The following BBS9 variants were observed in gnomAD, a reference collection of about 807,000 sequenced individuals.
BBS9 encodes the protein protein PTHB1.
In BBS9, 89 loss-of-function variants were observed where a neutral mutation model predicts 117.7. That is an observed-to-expected ratio of 0.76 (90% CI 0.64 to 0.90). The LOEUF (loss-of-function observed/expected upper bound fraction) is 0.90, where lower values mean the gene tolerates loss of function less well. BBS9 is among the 40% of genes least tolerant of loss of function. The probability of loss-of-function intolerance (pLI) is 0.00; values close to 1 mark genes in which losing one functional copy is unlikely to be tolerated. For missense variants in BBS9, 982 were observed against 1,042.2 expected (o/e 0.94, Z 0.80); for synonymous variants, 379 against 370.9 (o/e 1.02, Z -0.25).
In BBS9 at chr7:33,257,175, A is replaced by T. The variant is rs1472575254; in HGVS notation, c.443-61A>T. On this transcript the variant is annotated intron_variant, in intron 5 of 22. Transcript: ENST00000242067. ...GACATACATGTTGTAGATAGTGATT[A>T]ATAAAAATATTATATTTATAAAAAG... 4 of 1,164,270 alleles carry T rather than the reference A, an allele frequency of 3.4e-6. No individual in the cohort carries two copies. In the Admixed American group the frequency reaches 6.7e-5, roughly 20 times the overall value. 72.1% of individuals were successfully genotyped at this position (1,164,270 alleles called of 1,614,324 possible).
chr7:33,397,881 C>T (rs1828256219), intron 19 of BBS9, among the ~76,000 whole-genome samples: 1 of 151,918 alleles, frequency 6.6e-6, no homozygotes, highest in South Asian at 2.1e-4. Context: ...GGATTAATAT[C>T]TAGGTGATGG....
chr7:33,502,863 G>A (rs1845638313), intron 19 of BBS9, among the ~76,000 whole-genome samples: 1 of 152,178 alleles, frequency 6.6e-6, no homozygotes, highest in African/African-American at 2.4e-5. Flanking sequence ...GTGGATCCCA[G>A]TGCAAAATGA....
At chr7:33,357,598 T>A (rs994305299) in intron 15 of BBS9, 2 of 505,894 alleles carry the variant, frequency 4.0e-6, no homozygotes, top group African/African-American at 1.9e-5. Context: ...GTGATGATTT[T>A]AAAAATATGA....
intron 2 of BBS9, among the ~76,000 whole-genome samples, chr7:33,147,203 C>T (rs1792544733): frequency 6.6e-6 from 1 of 151,704 alleles, no homozygotes; most frequent in Non-Finnish European, 1.5e-5. Context: ...CAGTTTAATT[C>T]TGTATTATTG....
At chr7:33,605,128 C>A in intron 22 of BBS9, 67 bp from the exon 23 acceptor site, 1 of 1,525,654 alleles carries the variant, frequency 6.6e-7, no homozygotes, top group South Asian at 1.1e-5. Flanking sequence ...GAATTTGATC[C>A]TTTGTGTATT....
At chr7:33,633,512 T>TTC (rs796302929) in intron 21 of BBS9, among the ~76,000 whole-genome samples, 1,798 of 112,398 alleles carry the variant, frequency 0.016, 36 homozygotes, top group African/African-American at 0.059. Context: ...ACTTTTTTCT[T>TTC]TTTTTTTTTT....
In BBS9 at chr7:33,165,311, G is replaced by T. The variant is rs554030818; in HGVS notation, c.328+9609G>T. Among the ~76,000 whole-genome samples the T allele has an allele frequency of 2.0e-5, 3 of 152,064 alleles. No individual in the cohort carries two copies. In the East Asian group the frequency reaches 5.8e-4, roughly 29 times the overall value. On this transcript the variant is annotated intron_variant, in intron 4 of 22. Transcript: ENST00000242067. The stretch of plus-strand genomic sequence containing the variant: ...TGAATCTGACAATTATGTGTCTTGG[G>T]TTTGCTCTTCTTGAGGAGTGTCTTT...
At chr7:33,278,212 C>T (rs765127870) in intron 9 of BBS9, among the ~76,000 whole-genome samples, 3 of 152,126 alleles carry the variant, frequency 2.0e-5, no homozygotes, top group African/African-American at 4.8e-5. Context: ...GCCTCATTCC[C>T]GAGGTGTAAG....
intron 4 of BBS9, among the ~76,000 whole-genome samples, chr7:33,161,928 A>C (rs911485824): frequency 3.3e-5 from 5 of 152,282 alleles, no homozygotes; most frequent in Middle Eastern, 3.4e-3. Flanking sequence ...TCTTTTGAGA[A>C]GTGTCTGTTC....
intron 7 of BBS9, among the ~76,000 whole-genome samples, chr7:33,269,739 A>G (rs1799445689): frequency 6.6e-6 from 1 of 151,958 alleles, no homozygotes; most frequent in Non-Finnish European, 1.5e-5. Flanking sequence ...AAAAAAAAAA[A>G]AAAGGCCAGG....
intron 21 of BBS9, among the ~76,000 whole-genome samples, chr7:33,602,424 G>A (rs889767247): frequency 6.6e-6 from 1 of 152,122 alleles, no homozygotes; most frequent in Admixed American, 6.5e-5. Context: ...GGCTACAGGA[G>A]GCATCCAAAG....
intron 5 of BBS9, among the ~76,000 whole-genome samples, chr7:33,210,061 C>T (rs1024492862): frequency 2.6e-5 from 4 of 152,104 alleles, no homozygotes; most frequent in Non-Finnish European, 4.4e-5. Flanking sequence ...ACTGCTTTCA[C>T]TGTATTTCAT....
chr7:33,163,579 AT>A (rs1166177717), intron 4 of BBS9, among the ~76,000 whole-genome samples: 1 of 152,274 alleles, frequency 6.6e-6, no homozygotes, highest in African/African-American at 2.4e-5. Flanking sequence ...GTGTCCAGGA[AT>A]TTATCCATTT....
intron 9 of BBS9, among the ~76,000 whole-genome samples, chr7:33,288,886 A>G (rs1803435507): frequency 6.6e-6 from 1 of 152,210 alleles, no homozygotes; most frequent in South Asian, 2.1e-4. Context: ...CATTTTATAG[A>G]TGATGTAACT....
intron 21 of BBS9, among the ~76,000 whole-genome samples, chr7:33,537,679 T>A (rs1015190068): frequency 6.6e-6 from 1 of 152,202 alleles, no homozygotes; most frequent in African/African-American, 2.4e-5. Context: ...GGCCTTTTCA[T>A]GCATATATGT....
intron 18 of BBS9, 71 bp downstream of exon 18, chr7:33,383,909 G>A (rs1825545665): frequency 6.8e-7 from 1 of 1,462,708 alleles, no homozygotes; most frequent in Admixed American, 1.8e-5. Flanking sequence ...GCTATAGAAG[G>A]ATTCTGTATG....
chr7:33,472,828 G>A (rs1841245904), intron 19 of BBS9, among the ~76,000 whole-genome samples: 2 of 152,126 alleles, frequency 1.3e-5, no homozygotes, highest in African/African-American at 4.8e-5. Context: ...TTTATTGTTT[G>A]TGGAACTTGC....
intron 9 of BBS9, among the ~76,000 whole-genome samples, chr7:33,304,546 G>A (rs1489066387): frequency 6.7e-6 from 1 of 149,968 alleles, no homozygotes; most frequent in Non-Finnish European, 1.5e-5. Context: ...CGGCTGCCCT[G>A]TCTGGGAAGT....
intron 9 of BBS9, among the ~76,000 whole-genome samples, chr7:33,335,930 C>CA (rs1554427089): frequency 2.6e-5 from 4 of 151,088 alleles, no homozygotes; most frequent in African/African-American, 9.7e-5. Context: ...ACCGGGGGCA[C>CA]TTTTTTTTTC....
Sources: gnomAD v4.1 joint callset for allele counts (sites outside exome capture counted in the v4.1 genomes callset) on GRCh38, gnomAD v4.1.1 for gene constraint, MANE v1.5 for transcripts, NCBI Gene and HGNC (gene_info 2026-07-23, HGNC 2026-07-21) for gene names.